The following SMYD3 variants were observed in gnomAD, a reference collection of about 807,000 sequenced individuals.
SMYD3 encodes the protein histone-lysine N-methyltransferase SMYD3.
SMYD3 carries 36 observed loss-of-function variants against 57.7 expected under a neutral mutation model. That is an observed-to-expected ratio of 0.62 (90% confidence interval 0.48 to 0.82). The LOEUF is 0.82. SMYD3 is among the 40% of genes least tolerant of loss of function. The pLI is 0.00. For synonymous variants in SMYD3, 211 were observed against 195.0 expected, an observed-to-expected ratio of 1.08 and a Z score of -0.68; for missense variants, 515 against 538.8, an observed-to-expected ratio of 0.96 and a Z score of 0.44.
intron 8 of SMYD3, among the ~76,000 whole-genome samples, chr1:245,881,991 G>A (rs923735304): frequency 1.5e-4 from 23 of 152,204 alleles, no homozygotes; most frequent in African/African-American, 4.3e-4. Context: ...TGCTGGTCTT[G>A]TTGGGGAAGC....
chr1:246,446,822 G>T (rs976179774), intron 1 of SMYD3, among the ~76,000 whole-genome samples: 6 of 152,124 alleles, frequency 3.9e-5, no homozygotes, highest in Non-Finnish European at 8.8e-5. Flanking sequence ...AAGGTCGGGA[G>T]ATCGACACCA....
At chr1:245,924,040 A>T (rs1359259928) in intron 7 of SMYD3, among the ~76,000 whole-genome samples, 1 of 152,190 alleles carries the variant, frequency 6.6e-6, no homozygotes, top group Non-Finnish European at 1.5e-5. Flanking sequence ...TGTCAATCAC[A>T]TTTCTCCCAG....
At chr1:246,338,475 A>C (rs2065579478) in intron 2 of SMYD3, among the ~76,000 whole-genome samples, 1 of 152,236 alleles carries the variant, frequency 6.6e-6, no homozygotes, top group African/African-American at 2.4e-5. Context: ...CTATTTTCTT[A>C]CATTACTTCC....
chr1:246,154,555 G>A (rs2061992277), intron 5 of SMYD3, among the ~76,000 whole-genome samples: 2 of 152,140 alleles, frequency 1.3e-5, no homozygotes, highest in Admixed American at 1.3e-4. Flanking sequence ...TTTAAAAACA[G>A]TAGAATAGTA....
At chr1:245,914,675 T>C (rs1382495209) in intron 8 of SMYD3, among the ~76,000 whole-genome samples, 1 of 152,236 alleles carries the variant, frequency 6.6e-6, no homozygotes, top group African/African-American at 2.4e-5. Context: ...TCTGCTCATC[T>C]GCAGCACTGT....
intron 1 of SMYD3, among the ~76,000 whole-genome samples, chr1:246,501,142 C>T (rs1014838372): frequency 6.6e-6 from 1 of 152,210 alleles, no homozygotes; most frequent in Non-Finnish European, 1.5e-5. Flanking sequence ...TGTAACACTG[C>T]AGCAATTCAC....
chr1:246,160,744 G>C (rs2062103690), intron 5 of SMYD3, among the ~76,000 whole-genome samples: 1 of 152,196 alleles, frequency 6.6e-6, no homozygotes, highest in African/African-American at 2.4e-5. Flanking sequence ...CAGAGCTATA[G>C]CAAGCTCTCA....
At chr1:246,310,064 A>T (rs776596461) in intron 5 of SMYD3, among the ~76,000 whole-genome samples, 2 of 152,204 alleles carry the variant, frequency 1.3e-5, no homozygotes, top group Admixed American at 6.5e-5. Context: ...TATTATTTAT[A>T]AACATTATAA....
intron 10 of SMYD3, among the ~76,000 whole-genome samples, chr1:245,814,846 ACG>A (rs889455121): frequency 1.7e-4 from 26 of 149,232 alleles, no homozygotes; most frequent in East Asian, 1.2e-3. Flanking sequence ...ACACACATGC[ACG>A]CACACACACG....
rs755622533 is a variant in SMYD3, at chr1:246,355,030, C to T, written c.228+1G>A. 2.3e-5 allele frequency: 37 copies of T among 1,613,788 alleles called. No individual in the cohort carries two copies. Among genetic ancestry groups the T allele is most frequent in the Non-Finnish European group, 2.5e-6 (3 of 1,179,892 alleles). On this transcript the variant is annotated splice_donor_variant, in intron 2 of 11. Coordinates refer to ENST00000490107, the MANE Select transcript of SMYD3 (RefSeq NM_001167740.2). LOFTEE classifies it high-confidence loss of function. This position sits in a 1 kb window ranked among gnomAD's most constrained non-coding sequence, Gnocchi z 5.0. ...ACTTATATATGGCTGAAAAGTCTTA[C>T]CTGACACTTAGCACTACAGTATTTG...
intron 5 of SMYD3, among the ~76,000 whole-genome samples, chr1:246,300,720 A>C (rs1369683115): frequency 1.3e-5 from 2 of 152,154 alleles, no homozygotes. Context: ...ATACAGGGAT[A>C]ATAATAGTAC....
intron 5 of SMYD3, among the ~76,000 whole-genome samples, chr1:246,236,931 C>T (rs993698237): frequency 6.6e-6 from 1 of 152,202 alleles, no homozygotes; most frequent in Non-Finnish European, 1.5e-5. Flanking sequence ...CAAGAGGTCT[C>T]GGGCTCACTG....
intron 5 of SMYD3, among the ~76,000 whole-genome samples, chr1:246,157,297 G>T (rs1346430725): frequency 6.6e-6 from 1 of 152,136 alleles, no homozygotes; most frequent in Non-Finnish European, 1.5e-5. Context: ...GAGGCAGAGC[G>T]ATAATTAACT....
chr1:246,313,495 C>T (rs942815460), intron 5 of SMYD3, among the ~76,000 whole-genome samples: 10 of 152,200 alleles, frequency 6.6e-5, no homozygotes, highest in African/African-American at 2.4e-4. Flanking sequence ...ATTTTTAATT[C>T]TGATCCTAAT....
In SMYD3 at chr1:246,408,169, T is replaced by C. The variant is rs116137411; in HGVS notation, c.165-53075A>G. Among the ~76,000 whole-genome samples the C allele has an allele frequency of 6.1e-3, 926 of 152,226 alleles. 11 individuals are homozygous for C. Among genetic ancestry groups the C allele is most frequent in the African/African-American group, 0.021 (882 of 41,534 alleles). ...CCTTAGGGGTTAAGATCACACAGCATATAAATTTTGGAAGGACACAAACAC... is the reference window on the plus strand; with the variant it reads ...CCTTAGGGGTTAAGATCACACAGCACATAAATTTTGGAAGGACACAAACAC... On this transcript the variant is annotated intron_variant, in intron 1 of 11. Transcript: ENST00000490107.
chr1:245,787,349 C>T (rs78200434), intron 10 of SMYD3, among the ~76,000 whole-genome samples: 2,816 of 152,234 alleles, frequency 0.018, 96 homozygotes, highest in African/African-American at 0.064. Context: ...CGTAAGTTCC[C>T]GCGGGGGCAG....
intron 11 of SMYD3, among the ~76,000 whole-genome samples, chr1:245,758,008 A>G (rs2045682261): frequency 6.6e-6 from 1 of 152,160 alleles, no homozygotes; most frequent in Non-Finnish European, 1.5e-5. Flanking sequence ...TCTGAAGATT[A>G]TTTTGGGTAA....
intron 5 of SMYD3, among the ~76,000 whole-genome samples, chr1:245,949,970 G>A (rs1179100644): frequency 6.6e-6 from 1 of 152,100 alleles, no homozygotes; most frequent in Non-Finnish European, 1.5e-5. Flanking sequence ...ACAAGTCACT[G>A]TCTGTGGAAG....
rs1022933671 is a variant in SMYD3 at position 245,873,353 on chromosome 1, T to C, written c.814-9467A>G. Among the ~76,000 whole-genome samples, 3 of 152,304 alleles carry C rather than the reference T, an allele frequency of 2.0e-5. No individual in the cohort carries two copies. The East Asian group carries it at 5.8e-4, about 29-fold the overall frequency. On this transcript the variant is annotated intron_variant, in intron 8 of 11. Coordinates refer to ENST00000490107, the MANE Select transcript of SMYD3 (RefSeq NM_001167740.2). Reference sequence around the variant, plus strand: ...ATCTGTAGAGAGACTACCAAATGGATGGCTTAGGCTGCTGTAAGCCCATAC... The same window carrying C: ...ATCTGTAGAGAGACTACCAAATGGACGGCTTAGGCTGCTGTAAGCCCATAC...
Sources: gnomAD v4.1 joint callset for allele counts (sites outside exome capture counted in the v4.1 genomes callset) on GRCh38, gnomAD v4.1.1 for gene constraint, Gnocchi (gnomAD v3.1) non-coding constraint, MANE v1.5 for transcripts, NCBI Gene and HGNC (gene_info 2026-07-23, HGNC 2026-07-21) for gene names.